Variants in GYPE observed in about 807,000 individuals in gnomAD.
GYPE encodes glycophorin E (MNS blood group), also known as glycophorin-E.
A neutral mutation model predicts 11.6 loss-of-function variants in GYPE; 8 were observed. That is an observed-to-expected ratio of 0.69 (90% CI 0.41 to 1.25). The LOEUF (loss-of-function observed/expected upper bound fraction) is 1.25. Among genes scored for constraint, GYPE ranks in the 50% most tolerant of loss-of-function variants. GYPE has a pLI of 0.01. For synonymous variants in GYPE, 28 were observed against 29.6 expected (o/e 0.94, Z 0.18); for missense variants, 90 against 92.8 (o/e 0.97, Z 0.12).
chr4:143,895,794 G>A (rs1744606151), intron 1 of GYPE, among the ~76,000 whole-genome samples: 2 of 151,844 alleles, frequency 1.3e-5, no homozygotes, highest in East Asian at 1.9e-4. Flanking sequence ...GCATGGTACT[G>A]GTACCAAAAC....
rs185265634 is a variant in GYPE at position 143,903,319 on chromosome 4, C to T, written c.37+2152G>A. ...CATGGGAGCCCATTTTTCTTCCTGC[C>T]CTGGGCTCAGTGTCTGGTTCACAAT... On this transcript the variant is annotated intron_variant, in intron 1 of 3. Coordinates refer to ENST00000358615, the MANE Select transcript of GYPE (RefSeq NM_198682.3). Among the ~76,000 whole-genome samples, 1,256 of 149,290 alleles carry T rather than the reference C, an allele frequency of 8.4e-3. 36 individuals carry two copies. The highest frequency in any genetic ancestry group is 0.027 in the African/African-American group (1,070 of 39,006).
chr4:143,882,432 C>G (rs552284133), intron 1 of GYPE, among the ~76,000 whole-genome samples: 5 of 152,162 alleles, frequency 3.3e-5, no homozygotes, highest in African/African-American at 1.2e-4. Context: ...TGAGCTTCGG[C>G]TTATTTGTAG....
intron 3 of GYPE, chr4:143,873,223 A>C: frequency 3.5e-6 from 1 of 283,268 alleles, no homozygotes; most frequent in Non-Finnish European, 7.1e-6. Context: ...ATCTGAGGAC[A>C]TTAAAATATA....
At chr4:143,903,937 T>C (rs112178310) in intron 1 of GYPE, among the ~76,000 whole-genome samples, 2,942 of 152,256 alleles carry the variant, frequency 0.019, 124 homozygotes, top group African/African-American at 0.068. Context: ...TTGAGTTACA[T>C]CCAGTTTGGT....
intron 2 of GYPE, among the ~76,000 whole-genome samples, chr4:143,879,505 T>A (rs1191331920): frequency 6.6e-6 from 1 of 152,098 alleles, no homozygotes; most frequent in Non-Finnish European, 1.5e-5. Flanking sequence ...AACAGATGGG[T>A]TTTCTGTCAC....
At chr4:143,875,417 A>G (rs1743757294) in intron 3 of GYPE, 1 of 1,542,696 alleles carries the variant, frequency 6.5e-7, no homozygotes, top group Non-Finnish European at 8.8e-7. Flanking sequence ...AAGCAAAGGA[A>G]TAGCAGGTGC....
At chr4:143,885,596 T>A (rs1191811563) in intron 1 of GYPE, among the ~76,000 whole-genome samples, 1 of 152,060 alleles carries the variant, frequency 6.6e-6, no homozygotes, top group Non-Finnish European at 1.5e-5. Flanking sequence ...ACTTAGACCA[T>A]AATGCCTCTC....
chr4:143,888,526 C>T (rs1026684486), intron 1 of GYPE, among the ~76,000 whole-genome samples: 1 of 147,724 alleles, frequency 6.8e-6, no homozygotes, highest in Non-Finnish European at 1.5e-5. Flanking sequence ...ACCATGAAAA[C>T]TACTTGATAA....
At position 143,888,138 on chromosome 4, in the gene GYPE, G is replaced by A. The variant is rs201294548; in HGVS notation, c.38-7629C>T. 1.3e-3 allele frequency among the ~76,000 whole-genome samples: 121 copies of A among 94,762 alleles called. 5 individuals are homozygous for A. The highest frequency in any genetic ancestry group is 4.1e-3 in the African/African-American group (108 of 26,160). 62.2% of individuals were successfully genotyped at this position (94,762 alleles called of 152,430 possible). ...GGGGCCCAAGACATGTTAGGATAAC[G>A]ACTGGAAATAGCCAGCCTCCTAGCT... On this transcript the variant is annotated intron_variant, in intron 1 of 3. Transcript: ENST00000358615.
intron 2 of GYPE, chr4:143,878,669 C>T (rs1181104001): frequency 4.1e-6 from 2 of 489,858 alleles, no homozygotes; most frequent in East Asian, 6.0e-5. Context: ...ACAAGTTGTC[C>T]CCTTTCTCCT....
At chr4:143,875,025 A>G (rs899320451) in intron 3 of GYPE, among the ~76,000 whole-genome samples, 1 of 152,198 alleles carries the variant, frequency 6.6e-6, no homozygotes, top group African/African-American at 2.4e-5. Context: ...AGGATCTCAC[A>G]GTATGATAAA....
chr4:143,873,972 C>T (rs1006710023), intron 3 of GYPE, among the ~76,000 whole-genome samples: 4 of 151,950 alleles, frequency 2.6e-5, no homozygotes, highest in African/African-American at 7.3e-5. Context: ...ACATGTTAGA[C>T]ATGCAACATA....
intron 2 of GYPE, among the ~76,000 whole-genome samples, chr4:143,879,008 A>G (rs1050711637): frequency 1.3e-5 from 2 of 152,176 alleles, no homozygotes; most frequent in African/African-American, 2.4e-5. Context: ...AAAATATAAA[A>G]ATAATGAGAA....
chr4:143,898,208 C>G lies in GYPE; in HGVS notation c.37+7263G>C, dbSNP rs529171095. ...CCTGGGCAACACTGTGAAACCCCGT[C>G]TCTACTAAAATACAAAAAATTAACT... On this transcript the variant is annotated intron_variant, in intron 1 of 3. Coordinates refer to ENST00000358615, the MANE Select transcript of GYPE (RefSeq NM_198682.3). Among the ~76,000 whole-genome samples the G allele has an allele frequency of 3.1e-3, 466 of 151,986 alleles. 4 individuals are homozygous for G. The highest frequency in any genetic ancestry group is 0.01 in the African/African-American group (427 of 41,292).
intron 1 of GYPE, 29 bp downstream of exon 1, chr4:143,905,442 C>G: frequency 1.9e-6 from 3 of 1,612,608 alleles, no homozygotes; most frequent in Non-Finnish European, 2.5e-6. Flanking sequence ...CCCAATATAA[C>G]AGAACCAAGA....
intron 3 of GYPE, among the ~76,000 whole-genome samples, chr4:143,874,029 AC>A (rs1743702212): frequency 6.6e-6 from 1 of 151,830 alleles, no homozygotes; most frequent in Non-Finnish European, 1.5e-5. Context: ...TATAAGTAAA[AC>A]CCCATGTAGA....
At chr4:143,877,263 G>C (rs1743852107) in intron 2 of GYPE, among the ~76,000 whole-genome samples, 1 of 152,122 alleles carries the variant, frequency 6.6e-6, no homozygotes, top group Admixed American at 6.5e-5. Flanking sequence ...AAAGAGCATT[G>C]AACAGATCAT....
At chr4:143,893,638 C>A (rs979311673) in intron 1 of GYPE, among the ~76,000 whole-genome samples, 2 of 152,008 alleles carry the variant, frequency 1.3e-5, no homozygotes, top group Admixed American at 6.5e-5. Context: ...GAATATTGGC[C>A]CCCGCTCTCT....
intron 1 of GYPE, 69 bp downstream of exon 1, chr4:143,905,402 G>C: frequency 6.2e-7 from 1 of 1,607,746 alleles, no homozygotes; most frequent in African/African-American, 1.3e-5. Context: ...CTAAAATAGG[G>C]TAGTTTACAT....
Sources: gnomAD v4.1 joint callset for allele counts (sites outside exome capture counted in the v4.1 genomes callset) on GRCh38, gnomAD v4.1.1 for gene constraint, MANE v1.5 for transcripts, NCBI Gene and HGNC (gene_info 2026-07-23, HGNC 2026-07-21) for gene names.